ARHGAP31: variants seen among roughly 807,000 people sequenced by gnomAD.
The protein encoded by ARHGAP31 is Rho GTPase activating protein 31, also known as rho GTPase-activating protein 31.
ARHGAP31 carries 34 observed loss-of-function variants against 113.9 expected under a neutral mutation model. The observed-to-expected ratio is 0.30, with a 90% CI of 0.23 to 0.40. ARHGAP31 has a LOEUF of 0.40. Ranked by LOEUF, ARHGAP31 falls within the 10% of genes least tolerant of loss-of-function variation. ARHGAP31 has a pLI of 1.00. For synonymous variants in ARHGAP31, 650 were observed against 684.8 expected, an observed-to-expected ratio of 0.95 and a Z score of 0.79; for missense variants, 1,548 against 1,767.1, an observed-to-expected ratio of 0.88 and a Z score of 2.22.
At chr3:119,365,476 C>A in intron 2 of ARHGAP31, 58 bp downstream of exon 2, 4 of 1,451,342 alleles carry the variant, frequency 2.8e-6, no homozygotes, top group Non-Finnish European at 3.9e-6. Flanking sequence ...GTGTCCATGC[C>A]TCTGTCCATC....
At position 119,402,167 on chromosome 3, in the gene ARHGAP31, A is replaced by G. The variant is rs1181254858; in HGVS notation, c.1415A>G (p.Gln472Arg). 2 of 1,614,282 alleles carry G rather than the reference A, an allele frequency of 1.2e-6. No homozygotes were observed. Among genetic ancestry groups the G allele is most frequent in the Non-Finnish European group, 1.7e-6 (2 of 1,180,050 alleles). ...SKSVFTSSLF[Q>R]MEPSPRNQRK... ...TCCGTCTTCACCAGCAGCCTCTTCCAGATGGAGCCCTCGCCGCGTAACCAG... is the reference window on the plus strand; with the variant it reads ...TCCGTCTTCACCAGCAGCCTCTTCCGGATGGAGCCCTCGCCGCGTAACCAG... The change falls in exon 10 of 12, where the codon CAG (glutamine) becomes CGG (arginine). Residue 472 changes from glutamine (Q) to arginine (R), a missense_variant. By Grantham distance (43) the Gln-to-Arg change is conservative (BLOSUM62 1). Transcript: ENST00000264245.
At chr3:119,372,614 G>C (rs1295086780) in intron 3 of ARHGAP31, among the ~76,000 whole-genome samples, 2 of 151,954 alleles carry the variant, frequency 1.3e-5, no homozygotes, top group Non-Finnish European at 2.9e-5. Flanking sequence ...AGCCATAGAA[G>C]AATATCTTAA....
chr3:119,374,309 C>T (rs2080329309), intron 3 of ARHGAP31, among the ~76,000 whole-genome samples: 1 of 152,162 alleles, frequency 6.6e-6, no homozygotes, highest in Admixed American at 6.5e-5. Flanking sequence ...TTTGCTCTCT[C>T]GTGCTCACTC....
intron 1 of ARHGAP31, among the ~76,000 whole-genome samples, chr3:119,338,154 C>T (rs968864738): frequency 6.6e-6 from 1 of 152,080 alleles, no homozygotes; most frequent in African/African-American, 2.4e-5. Context: ...CATTTTCATT[C>T]CTTGTCCTTT....
Position 119,413,736 on chromosome 3 carries a change from C to T in ARHGAP31, c.1927-120C>T, listed in dbSNP as rs1054494850. The stretch of plus-strand genomic sequence containing the variant: ...GCCACAGGTATTATCGGTGCTGCAT[C>T]CTGTATTTGCTGAACTGGCACAGGC... On this transcript the variant is annotated intron_variant, in intron 11 of 11. Transcript: ENST00000264245. The T allele has an allele frequency of 6.6e-6, 9 of 1,367,494 alleles. No homozygotes were observed. In the African/African-American group the frequency reaches 1.1e-4, roughly 17 times the overall value. 84.7% of individuals were successfully genotyped at this position (1,367,494 alleles called of 1,614,324 possible).
intron 1 of ARHGAP31, chr3:119,329,762 C>T (rs916978363): frequency 1.3e-4 from 130 of 977,478 alleles, no homozygotes; most frequent in Admixed American, 4.9e-4. Context: ...AGCTCACGCT[C>T]ATTCCACAGT....
At chr3:119,343,795 C>G (rs79586552) in intron 1 of ARHGAP31, among the ~76,000 whole-genome samples, 2 of 152,160 alleles carry the variant, frequency 1.3e-5, no homozygotes, top group Admixed American at 1.3e-4. Flanking sequence ...CTCTGTAGGA[C>G]GAGGAGCTCA....
chr3:119,393,382 A>T, intron 7 of ARHGAP31, 85 bp from the exon 8 acceptor site: 1 of 1,526,540 alleles, frequency 6.6e-7, no homozygotes, highest in African/African-American at 1.4e-5. Context: ...AACTGAGGAC[A>T]TAACTGGAAT....
chr3:119,374,785 T>A (rs2107627526), intron 3 of ARHGAP31, among the ~76,000 whole-genome samples: 1 of 152,344 alleles, frequency 6.6e-6, no homozygotes, highest in East Asian at 1.9e-4. Flanking sequence ...CCTGTGGAAC[T>A]GTGAGTCAAT....
chr3:119,370,616 G>A (rs1228529614), intron 3 of ARHGAP31, among the ~76,000 whole-genome samples: 1 of 152,024 alleles, frequency 6.6e-6, no homozygotes, highest in Non-Finnish European at 1.5e-5. Context: ...TCACTTGTCA[G>A]TACTACATAT....
At position 119,409,702 on chromosome 3, in the gene ARHGAP31, G is replaced by T. The variant is rs750743378; in HGVS notation, c.1852G>T (p.Ala618Ser). 8 of 1,610,286 alleles carry T rather than the reference G, an allele frequency of 5.0e-6. No homozygotes were observed. The highest frequency in any genetic ancestry group is 6.8e-6 in the Non-Finnish European group (8 of 1,178,452). Residue 618 changes from alanine (A) to serine (S), a missense_variant, in exon 11 of 12, where the codon GCT becomes TCT. By Grantham distance (99) the Ala-to-Ser change is moderately conservative. Coordinates refer to ENST00000264245, the MANE Select transcript of ARHGAP31 (RefSeq NM_020754.4). ...PEKVVEEGREAGEMESSTLQE... is the reference protein window; with the variant it reads ...PEKVVEEGRESGEMESSTLQE... Reference sequence around the variant, plus strand: ...GAAGGTGGTGGAGGAGGGACGAGAGGCTGGTGAGATGGAGTCCAGCACCCT... The same window carrying T: ...GAAGGTGGTGGAGGAGGGACGAGAGTCTGGTGAGATGGAGTCCAGCACCCT...
intron 3 of ARHGAP31, among the ~76,000 whole-genome samples, chr3:119,374,723 C>T (rs1286787216): frequency 2.0e-5 from 3 of 152,150 alleles, no homozygotes; most frequent in East Asian, 3.9e-4. Flanking sequence ...TCCCCTTCAC[C>T]TTCTGCCATG....
At chr3:119,312,237 AC>A (rs2079689201) in intron 1 of ARHGAP31, among the ~76,000 whole-genome samples, 8 of 152,210 alleles carry the variant, frequency 5.3e-5, no homozygotes, top group Admixed American at 5.2e-4. Context: ...CAGGGAATAA[AC>A]TTTTTTCAGG....
chr3:119,410,215 T>C (rs2080703977), intron 11 of ARHGAP31, among the ~76,000 whole-genome samples: 1 of 152,226 alleles, frequency 6.6e-6, no homozygotes, highest in African/African-American at 2.4e-5. Flanking sequence ...CAATAAATAT[T>C]TCCAGGATCC....
chr3:119,308,540 T>A (rs1038564140), intron 1 of ARHGAP31, among the ~76,000 whole-genome samples: 3 of 152,206 alleles, frequency 2.0e-5, no homozygotes, highest in Non-Finnish European at 2.9e-5. Context: ...GTCATGTCTT[T>A]CTCTACCCAC....
chr3:119,319,613 T>C (rs987780826), intron 1 of ARHGAP31, among the ~76,000 whole-genome samples: 1 of 152,198 alleles, frequency 6.6e-6, no homozygotes, highest in Non-Finnish European at 1.5e-5. Flanking sequence ...CAAGAATCTG[T>C]AGATAACCAA....
At chr3:119,342,898 G>A (rs1302573620) in intron 1 of ARHGAP31, among the ~76,000 whole-genome samples, 2 of 151,552 alleles carry the variant, frequency 1.3e-5, no homozygotes, top group South Asian at 2.1e-4. Flanking sequence ...GCAGTGAGCC[G>A]AGATTATACC....
intron 10 of ARHGAP31, among the ~76,000 whole-genome samples, chr3:119,405,178 G>A (rs578033955): frequency 3.9e-4 from 60 of 152,020 alleles, no homozygotes; most frequent in African/African-American, 1.4e-3. Context: ...ACAAAAATTT[G>A]TTTTGCCCTA....
chr3:119,383,137 T>G lies in ARHGAP31; in HGVS notation c.593T>G (p.Val198Gly). 6.2e-7 allele frequency: 1 copy of G among 1,614,210 alleles called. No homozygotes were observed. The highest frequency in any genetic ancestry group is 8.5e-7 in the Non-Finnish European group (1 of 1,180,038). Reference protein sequence around the residue: ...GCNGDAAFLAVRVQQVVIEFI... With the variant: ...GCNGDAAFLAGRVQQVVIEFI... Reference sequence around the variant, plus strand: ...AATGGAGATGCAGCCTTCCTTGCAGTCCGGGTCCAGCAGGTGGTGATTGAG... The same window carrying G: ...AATGGAGATGCAGCCTTCCTTGCAGGCCGGGTCCAGCAGGTGGTGATTGAG... The change falls in exon 6 of 12, where the codon GTC becomes GGC. Residue 198 changes from valine (V) to glycine (G), a missense_variant. Val to Gly is a moderately radical substitution (Grantham distance 109). Coordinates refer to ENST00000264245, the MANE Select transcript of ARHGAP31 (RefSeq NM_020754.4).
Sources: allele counts gnomAD v4.1 joint callset (sites outside exome capture counted in the v4.1 genomes callset), GRCh38; gene constraint gnomAD v4.1.1; transcripts MANE v1.5; gene names NCBI Gene and HGNC (gene_info 2026-07-23, HGNC 2026-07-21).